Variants in FHIT observed in about 807,000 individuals in gnomAD.
FHIT encodes the protein fragile histidine triad diadenosine triphosphatase, also known as bis(5'-adenosyl)-triphosphatase.
A neutral mutation model predicts 17.9 loss-of-function variants in FHIT; 19 were observed. That is an observed-to-expected ratio of 1.06 (90% CI 0.74 to 1.56). FHIT has a LOEUF of 1.56. FHIT is among the 40% of genes most tolerant of loss of function. The probability of loss-of-function intolerance (pLI) is 0.00; values close to 1 mark genes in which losing one functional copy is unlikely to be tolerated. For synonymous variants in FHIT, 81 were observed against 69.7 expected (o/e 1.16, Z -0.81); for missense variants, 248 against 189.2 (o/e 1.31, Z -1.82).
At position 59,806,781 on chromosome 3, in the gene FHIT, G is replaced by A. The variant is rs1369921777; in HGVS notation, c.349-54460C>T. On this transcript the variant is annotated intron_variant, in intron 8 of 9. Transcript: ENST00000492590. Reference sequence around the variant, plus strand: ...GTTAGAATGCAGCTGTGGAACATGGGGGTGTCCTCTTAGTGACTCAAACCA... The same window carrying A: ...GTTAGAATGCAGCTGTGGAACATGGAGGTGTCCTCTTAGTGACTCAAACCA... Among the ~76,000 whole-genome samples the A allele has an allele frequency of 8.7e-5, 13 of 149,040 alleles. No individual in the cohort carries two copies. In the Admixed American group the frequency reaches 8.8e-4, roughly 10 times the overall value.
chr3:59,859,712 C>T (rs1702326901), intron 8 of FHIT, among the ~76,000 whole-genome samples: 1 of 152,180 alleles, frequency 6.6e-6, no homozygotes, highest in African/African-American at 2.4e-5. Flanking sequence ...CAGAGGGAGA[C>T]TCTGACTCTC....
chr3:60,537,453 T>C, intron 4 of FHIT: 2 of 983,192 alleles, frequency 2.0e-6, no homozygotes, highest in Non-Finnish European at 2.4e-6. Context: ...ACGAACACTG[T>C]CTGACCTTGC....
rs2106866934 is a variant in FHIT, at chr3:59,778,201, C to T, written c.349-25880G>A. 1.3e-5 allele frequency among the ~76,000 whole-genome samples: 2 copies of T among 152,280 alleles called. 1 individual carries two copies. The highest frequency in any genetic ancestry group is 4.1e-4 in the South Asian group (2 of 4,826). ...ATGAAGAGCACCATTTATTTAGAAG[C>T]TCACAAAATGCTAATGGAGGAGGTA... is the stretch of plus-strand genomic sequence containing the variant. On this transcript the variant is annotated intron_variant, in intron 8 of 9. Transcript: ENST00000492590.
At chr3:59,982,049 C>T (rs1708678343) in intron 7 of FHIT, among the ~76,000 whole-genome samples, 1 of 132,092 alleles carries the variant, frequency 7.6e-6, no homozygotes, top group South Asian at 2.3e-4. Flanking sequence ...TAAGCACTGG[C>T]TAGTCTTACC....
chr3:60,195,586 T>G (rs979689566), intron 5 of FHIT, among the ~76,000 whole-genome samples: 1 of 126,066 alleles, frequency 7.9e-6, no homozygotes, highest in African/African-American at 2.8e-5. Context: ...TATATTTATA[T>G]TTATATATAA....
At chr3:60,376,646 T>C (rs1226412983) in intron 5 of FHIT, among the ~76,000 whole-genome samples, 1 of 152,224 alleles carries the variant, frequency 6.6e-6, no homozygotes, top group African/African-American at 2.4e-5. Context: ...TATGAAAAAG[T>C]TGACACAAAG....
Position 60,767,000 on chromosome 3 carries a change from G to A in FHIT, c.-18+54919C>T, listed in dbSNP as rs9881274. Reference sequence around the variant, plus strand: ...ACATTTTTCATGCTCATCCTAATGCGAAATGATTATATAAACTTCAGTTCT... The same window carrying A: ...ACATTTTTCATGCTCATCCTAATGCAAAATGATTATATAAACTTCAGTTCT... On this transcript the variant is annotated intron_variant, in intron 4 of 9. Transcript: ENST00000492590. Among the ~76,000 whole-genome samples, 88 of 152,090 alleles carry A rather than the reference G, an allele frequency of 5.8e-4. 3 individuals carry two copies. In the South Asian group the frequency reaches 0.018, roughly 30 times the overall value.
chr3:60,386,374 T>A (rs1701012570), intron 5 of FHIT, among the ~76,000 whole-genome samples: 1 of 152,182 alleles, frequency 6.6e-6, no homozygotes, highest in Non-Finnish European at 1.5e-5. Context: ...TAGAACAACA[T>A]GAAACAATTC....
intron 5 of FHIT, among the ~76,000 whole-genome samples, chr3:60,392,299 T>C (rs777567122): frequency 6.6e-6 from 1 of 152,180 alleles, no homozygotes; most frequent in Non-Finnish European, 1.5e-5. Context: ...GATGGAAGAA[T>C]GGTAAAGTCG....
chr3:60,091,592 G>A (rs571235398), intron 5 of FHIT, among the ~76,000 whole-genome samples: 14 of 152,240 alleles, frequency 9.2e-5, no homozygotes, highest in Non-Finnish European at 1.5e-4. Context: ...CAAATTTCAC[G>A]TGGGATTGTA....
intron 5 of FHIT, among the ~76,000 whole-genome samples, chr3:60,145,148 C>A (rs1453806640): frequency 7.7e-6 from 1 of 129,938 alleles, no homozygotes; most frequent in Non-Finnish European, 1.6e-5. Flanking sequence ...AGATTGTCCA[C>A]CTACAATTTT....
chr3:60,646,225 C>T (rs2039853317), intron 4 of FHIT, among the ~76,000 whole-genome samples: 1 of 152,172 alleles, frequency 6.6e-6, no homozygotes, highest in African/African-American at 2.4e-5. Context: ...CAAATTCCTA[C>T]TGGTTATAAC....
intron 7 of FHIT, among the ~76,000 whole-genome samples, chr3:59,999,565 G>A (rs577791977): frequency 1.2e-3 from 185 of 152,244 alleles, no homozygotes; most frequent in African/African-American, 4.3e-3. Context: ...CTAGTGGAAC[G>A]TGTCTTCTGT....
In FHIT at chr3:61,219,495, G is replaced by T. The variant is rs572838078; in HGVS notation, c.-212-18830C>A. Among the ~76,000 whole-genome samples the T allele has an allele frequency of 5.9e-5, 9 of 152,004 alleles. No individual in the cohort carries two copies. In the Middle Eastern group the frequency reaches 0.027, roughly 460 times the overall value. ...GCCCTCTCTTTCCCATGTTTTCCTT[G>T]ACCTAAAAATCCAAGGATCTAAACT... On this transcript the variant is annotated intron_variant, in intron 1 of 9. Coordinates refer to ENST00000492590, the MANE Select transcript of FHIT (RefSeq NM_002012.4).
chr3:60,464,167 A>C (rs1400847837), intron 5 of FHIT, among the ~76,000 whole-genome samples: 1 of 152,106 alleles, frequency 6.6e-6, no homozygotes, highest in East Asian at 1.9e-4. Flanking sequence ...AAAAGGCTTG[A>C]CTCAAGGAAA....
chr3:60,549,497 A>G (rs1053740382), intron 4 of FHIT, among the ~76,000 whole-genome samples: 1 of 152,200 alleles, frequency 6.6e-6, no homozygotes, highest in African/African-American at 2.4e-5. Flanking sequence ...CACTGTGTTC[A>G]AAGTATATTG....
rs547840162 is a variant in FHIT, at chr3:60,248,389, T to C, written c.104-234237A>G. ...AGAAGCATTTACCTTGCTAGAGGAA[T>C]GCTAGCCTGCATTTAATTGTATAAT... On this transcript the variant is annotated intron_variant, in intron 5 of 9. Transcript: ENST00000492590. Among the ~76,000 whole-genome samples the C allele has an allele frequency of 2.6e-5, 4 of 152,318 alleles. No homozygotes were observed. In the East Asian group the frequency reaches 5.8e-4, roughly 22 times the overall value.
At chr3:60,341,890 G>T (rs1043633047) in intron 5 of FHIT, among the ~76,000 whole-genome samples, 1 of 152,154 alleles carries the variant, frequency 6.6e-6, no homozygotes, top group Non-Finnish European at 1.5e-5. Context: ...GCAGAATTTT[G>T]TTCCTTAGTT....
At chr3:60,929,320 C>T (rs1707825388) in intron 3 of FHIT, among the ~76,000 whole-genome samples, 1 of 152,180 alleles carries the variant, frequency 6.6e-6, no homozygotes, top group South Asian at 2.1e-4. Flanking sequence ...GATGCCCTCT[C>T]TCACCACTCC....
Sources: gnomAD v4.1 joint callset for allele counts (sites outside exome capture counted in the v4.1 genomes callset) on GRCh38, gnomAD v4.1.1 for gene constraint, MANE v1.5 for transcripts, NCBI Gene and HGNC (gene_info 2026-07-23, HGNC 2026-07-21) for gene names.